The following TBC1D1 variants were observed in gnomAD, a reference collection of about 807,000 sequenced individuals.
The protein encoded by TBC1D1 is TBC1 (tre-2/USP6, BUB2, cdc16) domain family, member 1.
In TBC1D1, 89 loss-of-function variants were observed where a neutral mutation model predicts 125.6. The observed-to-expected ratio is 0.71, with a 90% CI of 0.60 to 0.85. The LOEUF is 0.85. Ranked by LOEUF, TBC1D1 falls within the 40% of genes least tolerant of loss-of-function variation. The pLI is 0.00. For missense variants in TBC1D1, 1,377 were observed against 1,469.2 expected (o/e 0.94, Z 1.03); for synonymous variants, 565 against 564.1 (o/e 1.00, Z -0.02).
chr4:37,949,153 T>C (rs1179032219), intron 2 of TBC1D1, among the ~76,000 whole-genome samples: 2 of 152,218 alleles, frequency 1.3e-5, no homozygotes, highest in African/African-American at 2.4e-5. Flanking sequence ...CAGGCACAGA[T>C]ACGATCTGAG....
At chr4:38,128,208 C>T (rs1009087466) in intron 18 of TBC1D1, among the ~76,000 whole-genome samples, 2 of 152,006 alleles carry the variant, frequency 1.3e-5, no homozygotes, top group Admixed American at 6.6e-5. Flanking sequence ...ATTTAGGGCC[C>T]GGGTTTTTAT....
chr4:38,087,594 C>T (rs1757702626), intron 12 of TBC1D1, among the ~76,000 whole-genome samples: 1 of 152,030 alleles, frequency 6.6e-6, no homozygotes, highest in Non-Finnish European at 1.5e-5. Flanking sequence ...GTAATTCTAG[C>T]ACTTTGGGAG....
rs1225422783 is a variant in TBC1D1, at chr4:37,960,975, G to A, written c.418-53534G>A. On this transcript the variant is annotated intron_variant, in intron 2 of 19. Coordinates refer to ENST00000261439, the MANE Select transcript of TBC1D1 (RefSeq NM_015173.4). ...ACCATGGGAATGCAATCTGTTTGCA[G>A]TCTCCTTCAAGCATTCTGTCGACCC... 8 of 1,614,002 alleles carry A rather than the reference G, an allele frequency of 5.0e-6. No individual in the cohort carries two copies. The highest frequency in any genetic ancestry group is 4.0e-5 in the African/African-American group (3 of 74,884).
rs754916751 is a variant in TBC1D1 at position 38,014,868 on chromosome 4, C to T, written c.777C>T (p.Gly259=). The change falls in exon 3 of 20, where the codon GGC becomes GGT. Residue 259 remains glycine (G), a synonymous_variant. Coordinates refer to ENST00000261439, the MANE Select transcript of TBC1D1 (RefSeq NM_015173.4). This position sits in a 1 kb window ranked among gnomAD's most constrained non-coding sequence, Gnocchi z 5.1. ...AGGATGGGGGCCTCCGAAGCAGCGG[C>T]TTCTTCAGCTCCTTCGAGGAGAGCG... is the stretch of plus-strand genomic sequence containing the variant. 8 of 1,611,358 alleles carry T rather than the reference C, an allele frequency of 5.0e-6. No individual in the cohort carries two copies. The highest frequency in any genetic ancestry group is 6.8e-6 in the Non-Finnish European group (8 of 1,177,936).
chr4:38,133,627 T>C (rs1275211627), intron 19 of TBC1D1, among the ~76,000 whole-genome samples: 1 of 152,146 alleles, frequency 6.6e-6, no homozygotes, highest in East Asian at 1.9e-4. Context: ...CAAAACCAGC[T>C]AGGTCCACAG....
At chr4:38,063,301 G>A (rs1299747529) in intron 12 of TBC1D1, among the ~76,000 whole-genome samples, 1 of 152,138 alleles carries the variant, frequency 6.6e-6, no homozygotes, top group Non-Finnish European at 1.5e-5. Context: ...GGCAGGTGTG[G>A]ACCCTGAACT....
intron 12 of TBC1D1, among the ~76,000 whole-genome samples, chr4:38,075,811 T>G (rs1386502586): frequency 6.6e-6 from 1 of 152,168 alleles, no homozygotes; most frequent in Non-Finnish European, 1.5e-5. Context: ...AGGACAGCTG[T>G]GCAAGCAGAA....
Position 37,929,058 on chromosome 4 carries a change from G to A in TBC1D1, c.417+26546G>A, listed in dbSNP as rs974692213. 9.8e-5 allele frequency among the ~76,000 whole-genome samples: 15 copies of A among 152,326 alleles called. No homozygotes were observed. The South Asian group carries it at 1.9e-3, about 19-fold the overall frequency. ...CCCTCTTTGTTGGTGCTCTAAATGT[G>A]TCATGATGAAATTGCAAGACGGTTC... On this transcript the variant is annotated intron_variant, in intron 2 of 19. Transcript: ENST00000261439.
chr4:38,121,616 G>A (rs1189364439), intron 17 of TBC1D1, among the ~76,000 whole-genome samples: 1 of 152,196 alleles, frequency 6.6e-6, no homozygotes, highest in African/African-American at 2.4e-5. Flanking sequence ...GCGCTGGGCG[G>A]CTCCAACAGT....
intron 2 of TBC1D1, among the ~76,000 whole-genome samples, chr4:37,971,495 G>A (rs1261980572): frequency 1.3e-5 from 2 of 152,126 alleles, no homozygotes; most frequent in East Asian, 3.9e-4. Context: ...AGAACAGGAT[G>A]AGGGAAATCA....
chr4:37,977,421 C>T lies in TBC1D1; in HGVS notation c.418-37088C>T. 8 of 937,148 alleles carry T rather than the reference C, an allele frequency of 8.5e-6. No individual in the cohort carries two copies. The highest frequency in any genetic ancestry group is 1.0e-5 in the Non-Finnish European group (8 of 787,104). 58.1% of individuals were successfully genotyped at this position (937,148 alleles called of 1,614,324 possible). A position where few individuals can be genotyped will look rare whatever the true frequency, so the allele number is the denominator to read the frequency against. ...GGCCCCGCCGCTCCCCAAGCCCGCC[C>T]CCGGCCGCCCGCGGGCCCACGGGCC... On this transcript the variant is annotated intron_variant, in intron 2 of 19. Coordinates refer to ENST00000261439, the MANE Select transcript of TBC1D1 (RefSeq NM_015173.4). The surrounding 1 kb of genome is among the most constrained non-coding windows in gnomAD (Gnocchi z 4.3).
chr4:38,038,938 TC>T, intron 8 of TBC1D1, among the ~76,000 whole-genome samples: 1 of 141,508 alleles, frequency 7.1e-6, no homozygotes, highest in East Asian at 2.0e-4. Flanking sequence ...AGAGAGAGAC[TC>T]CCTCTCGGGA....
At chr4:38,071,319 T>C (rs933026411) in intron 12 of TBC1D1, among the ~76,000 whole-genome samples, 4 of 152,162 alleles carry the variant, frequency 2.6e-5, no homozygotes, top group Non-Finnish European at 4.4e-5. Context: ...AGAGTCTACA[T>C]TTCTCTAGAT....
At position 38,049,788 on chromosome 4, in the gene TBC1D1, C is replaced by T; in HGVS notation, c.1800C>T (p.Phe600=). 1 of 1,614,196 alleles carries T rather than the reference C, an allele frequency of 6.2e-7. No individual in the cohort carries two copies. Among genetic ancestry groups the T allele is most frequent in the Non-Finnish European group, 8.5e-7 (1 of 1,180,032 alleles). The change falls in exon 11 of 20, where the codon TTC becomes TTT. Residue 600 remains phenylalanine (F), a synonymous_variant. Transcript: ENST00000261439. Reference sequence around the variant, plus strand: ...GGCGAGCAAACACCCTGAGTCACTTCCCCATCGAATGCCAGGAACCTCCAC... The same window carrying T: ...GGCGAGCAAACACCCTGAGTCACTTTCCCATCGAATGCCAGGAACCTCCAC...
intron 2 of TBC1D1, among the ~76,000 whole-genome samples, chr4:37,941,231 T>C (rs1351490029): frequency 6.6e-6 from 1 of 152,218 alleles, no homozygotes; most frequent in Non-Finnish European, 1.5e-5. Context: ...GGGATTCAAC[T>C]TCTTCCTGGT....
At chr4:37,976,236 A>C (rs963231963) in intron 2 of TBC1D1, among the ~76,000 whole-genome samples, 5 of 152,230 alleles carry the variant, frequency 3.3e-5, no homozygotes, top group African/African-American at 9.7e-5. Context: ...TACGGGCAAC[A>C]CCTATGTGAA....
At chr4:38,098,807 C>T (rs895192580) in intron 14 of TBC1D1, among the ~76,000 whole-genome samples, 1 of 152,088 alleles carries the variant, frequency 6.6e-6, no homozygotes, top group East Asian at 1.9e-4. Context: ...TAAGAGAGGA[C>T]AGTTGTGTGG....
In TBC1D1 at chr4:38,035,713, T is replaced by A. The variant is rs540516687; in HGVS notation, c.1413+15T>A. 6.3e-7 allele frequency: 1 copy of A among 1,585,614 alleles called. No homozygotes were observed. Among genetic ancestry groups the A allele is most frequent in the Admixed American group, 1.7e-5 (1 of 59,430 alleles). On this transcript the variant is annotated intron_variant, in intron 8 of 19. Transcript: ENST00000261439. ...AGATGAAGCAGGTATGGCATTTTTGTCTCTTGTAATTGTTGCCAAGTCTCT... is the reference window on the plus strand; with the variant it reads ...AGATGAAGCAGGTATGGCATTTTTGACTCTTGTAATTGTTGCCAAGTCTCT...
At chr4:37,956,578 C>T (rs1728978469) in intron 2 of TBC1D1, among the ~76,000 whole-genome samples, 1 of 152,310 alleles carries the variant, frequency 6.6e-6, no homozygotes, top group Admixed American at 6.5e-5. Flanking sequence ...CCCTGTACTT[C>T]CATTCTGTGT....
Sources: gnomAD v4.1 joint callset for allele counts (sites outside exome capture counted in the v4.1 genomes callset) on GRCh38, gnomAD v4.1.1 for gene constraint, Gnocchi (gnomAD v3.1) non-coding constraint, MANE v1.5 for transcripts, NCBI Gene and HGNC (gene_info 2026-07-23, HGNC 2026-07-21) for gene names.